WWOX: variants seen among roughly 807,000 people sequenced by gnomAD.
WWOX encodes the protein WW domain containing oxidoreductase.
Under a neutral mutation model 46.2 loss-of-function variants are expected in WWOX, and 69 were observed. The ratio of observed to expected loss-of-function variants is 1.49; its 90% CI spans 1.23 to 1.82. The LOEUF (loss-of-function observed/expected upper bound fraction) is 1.82, where lower values mean the gene tolerates loss of function less well. Among genes scored for constraint, WWOX ranks in the 40% most tolerant of loss-of-function variants. The pLI is 0.00. For missense variants in WWOX, 919 were observed against 542.6 expected, an observed-to-expected ratio of 1.69 and a Z score of -6.89; for synonymous variants, 359 against 202.6, an observed-to-expected ratio of 1.77 and a Z score of -6.56.
intron 8 of WWOX, among the ~76,000 whole-genome samples, chr16:78,967,459 GTTTTT>G (rs57576563): frequency 2.0e-5 from 2 of 98,344 alleles, no homozygotes; most frequent in Non-Finnish European, 3.8e-5. Flanking sequence ...AATTTTTGTG[GTTTTT>G]TTTTTTTTTT....
At chr16:78,177,917 A>C (rs986641741) in intron 5 of WWOX, among the ~76,000 whole-genome samples, 1 of 152,266 alleles carries the variant, frequency 6.6e-6, no homozygotes, top group African/African-American at 2.4e-5. Context: ...TTTAACGTCC[A>C]TCCACGGAGC....
In WWOX at chr16:79,011,032, A is replaced by G. The variant is rs944574122; in HGVS notation, c.1057-200576A>G. Among the ~76,000 whole-genome samples the G allele has an allele frequency of 3.3e-5, 5 of 152,178 alleles. No homozygotes were observed. The South Asian group carries it at 6.2e-4, about 19-fold the overall frequency. ...TTACGATGATTTCTAACATCTCACC[A>G]TCTTTACTTCTGTATATAAATATAT... On this transcript the variant is annotated intron_variant, in intron 8 of 8. Coordinates refer to ENST00000566780, the MANE Select transcript of WWOX (RefSeq NM_016373.4).
chr16:79,017,347 G>C (rs548733899), intron 8 of WWOX: 1 of 144,354 alleles, frequency 6.9e-6, no homozygotes, highest in African/African-American at 2.6e-5. Flanking sequence ...GGAGAATAGC[G>C]TGAACCCGGG....
chr16:78,979,544 G>A lies in WWOX; in HGVS notation c.1057-232064G>A, dbSNP rs537233515. Among the ~76,000 whole-genome samples, 15 of 152,272 alleles carry A rather than the reference G, an allele frequency of 9.9e-5. No individual in the cohort carries two copies. The South Asian group carries it at 2.1e-3, about 21-fold the overall frequency. ...CCCTCACTCCCTGGAATCAGCTAGC[G>A]ATGGCTAAGGCTCCTGTGACGGTTT... On this transcript the variant is annotated intron_variant, in intron 8 of 8. Coordinates refer to ENST00000566780, the MANE Select transcript of WWOX (RefSeq NM_016373.4).
intron 8 of WWOX, among the ~76,000 whole-genome samples, chr16:78,795,157 A>G (rs966775135): frequency 6.6e-6 from 1 of 152,138 alleles, no homozygotes; most frequent in African/African-American, 2.4e-5. Context: ...AATGTCTTAC[A>G]TTTATAGAGT....
rs1410995274 is a variant in WWOX at position 78,855,163 on chromosome 16, G to C, written c.1057-356445G>C. Among the ~76,000 whole-genome samples the C allele has an allele frequency of 5.3e-5, 8 of 152,278 alleles. No individual in the cohort carries two copies. The South Asian group carries it at 1.0e-3, about 20-fold the overall frequency. On this transcript the variant is annotated intron_variant, in intron 8 of 8. Coordinates refer to ENST00000566780, the MANE Select transcript of WWOX (RefSeq NM_016373.4). Reference sequence around the variant, plus strand: ...TTAATTTACAATTTGAAAGGTGGGTGAGGAGAAGAGTTTGAAAAATAGATT... The same window carrying C: ...TTAATTTACAATTTGAAAGGTGGGTCAGGAGAAGAGTTTGAAAAATAGATT...
intron 5 of WWOX, among the ~76,000 whole-genome samples, chr16:78,248,864 C>CTTTTT (rs869134108): frequency 8.5e-6 from 1 of 117,390 alleles, no homozygotes; most frequent in Non-Finnish European, 1.8e-5. Context: ...GCCCCCCGGC[C>CTTTTT]TTTTTTTTTT....
intron 8 of WWOX, among the ~76,000 whole-genome samples, chr16:78,629,017 C>A (rs2046370398): frequency 6.6e-6 from 1 of 152,156 alleles, no homozygotes. Context: ...TGAACCCGTT[C>A]CAAAAACTGG....
At chr16:78,311,919 C>A (rs1020211797) in intron 5 of WWOX, among the ~76,000 whole-genome samples, 7 of 152,104 alleles carry the variant, frequency 4.6e-5, no homozygotes, top group Non-Finnish European at 1.0e-4. Context: ...GGGCTAAAAT[C>A]CAGGTGTCTT....
intron 8 of WWOX, among the ~76,000 whole-genome samples, chr16:78,541,429 C>G (rs1426104339): frequency 7.9e-6 from 1 of 127,226 alleles, no homozygotes. Context: ...AGCCGAGAGC[C>G]CGCCACTGCA....
chr16:79,168,850 T>C (rs2050645807), intron 8 of WWOX, among the ~76,000 whole-genome samples: 1 of 152,202 alleles, frequency 6.6e-6, no homozygotes, highest in Admixed American at 6.5e-5. Context: ...CCATCAGCTG[T>C]GGCCTCGAGT....
intron 6 of WWOX, among the ~76,000 whole-genome samples, chr16:78,410,029 A>G (rs1369031657): frequency 2.6e-5 from 4 of 152,158 alleles, no homozygotes; most frequent in Non-Finnish European, 4.4e-5. Context: ...AGGTATTTGG[A>G]TCATGGGGGT....
intron 8 of WWOX, among the ~76,000 whole-genome samples, chr16:79,133,383 G>C (rs2049920390): frequency 1.3e-5 from 2 of 152,202 alleles, no homozygotes; most frequent in East Asian, 3.9e-4. Flanking sequence ...TCCTTAAATG[G>C]GAGCAAAGAT....
chr16:78,310,659 C>G (rs529406333), intron 5 of WWOX, among the ~76,000 whole-genome samples: 3 of 152,338 alleles, frequency 2.0e-5, no homozygotes, highest in East Asian at 1.9e-4. Context: ...TTTGGCATCT[C>G]TCTGGGATCG....
At chr16:78,625,727 G>A (rs573162189) in intron 8 of WWOX, among the ~76,000 whole-genome samples, 14 of 144,628 alleles carry the variant, frequency 9.7e-5, no homozygotes, top group Admixed American at 6.3e-4. Context: ...AAAGTAATGC[G>A]GTTTTACTTC....
intron 8 of WWOX, among the ~76,000 whole-genome samples, chr16:78,806,773 G>A (rs2051050024): frequency 6.6e-6 from 1 of 152,172 alleles, no homozygotes; most frequent in Admixed American, 6.5e-5. Context: ...GGTTTGCAGT[G>A]AGAGGAAATA....
intron 8 of WWOX, among the ~76,000 whole-genome samples, chr16:79,116,568 T>G (rs2049519905): frequency 6.6e-6 from 1 of 152,188 alleles, no homozygotes; most frequent in Non-Finnish European, 1.5e-5. Flanking sequence ...AGTTTTCTCA[T>G]GAGATTGCAG....
At chr16:78,483,530 G>A (rs965312745) in intron 8 of WWOX, among the ~76,000 whole-genome samples, 2 of 151,462 alleles carry the variant, frequency 1.3e-5, no homozygotes, top group Admixed American at 6.6e-5. Flanking sequence ...TGTGCTAGCT[G>A]ATTGCCAACA....
At chr16:78,826,924 C>G (rs1387812482) in intron 8 of WWOX, among the ~76,000 whole-genome samples, 1 of 152,170 alleles carries the variant, frequency 6.6e-6, no homozygotes, top group Non-Finnish European at 1.5e-5. Flanking sequence ...ACACTACATG[C>G]CGGACACCAA....
Sources: allele counts gnomAD v4.1 joint callset (sites outside exome capture counted in the v4.1 genomes callset), GRCh38; gene constraint gnomAD v4.1.1; transcripts MANE v1.5; gene names NCBI Gene and HGNC (gene_info 2026-07-23, HGNC 2026-07-21).